Variants in OPCML observed in about 807,000 individuals in gnomAD.
OPCML encodes opioid-binding protein/cell adhesion molecule.
A neutral mutation model predicts 37.8 loss-of-function variants in OPCML; 13 were observed. The ratio of observed to expected loss-of-function variants is 0.34; its 90% confidence interval spans 0.22 to 0.55. OPCML has a LOEUF of 0.55. OPCML is among the 20% of genes least tolerant of loss of function. OPCML has a pLI of 0.91. For synonymous variants in OPCML, 176 were observed against 168.8 expected, an observed-to-expected ratio of 1.04 and a Z score of -0.33; for missense variants, 341 against 435.6, an observed-to-expected ratio of 0.78 and a Z score of 1.93.
intron 4 of OPCML, among the ~76,000 whole-genome samples, chr11:132,505,034 AG>A (rs1433503094): frequency 6.6e-6 from 1 of 152,170 alleles, no homozygotes; most frequent in Admixed American, 6.5e-5. Context: ...TCAGAGGACA[AG>A]AAAAAAAGTA....
intron 1 of OPCML, among the ~76,000 whole-genome samples, chr11:133,273,793 T>C (rs1941916615): frequency 5.3e-5 from 8 of 152,202 alleles, no homozygotes; most frequent in Middle Eastern, 3.4e-3. Context: ...GAGGGAATTG[T>C]CGCATTGCAA....
chr11:132,725,778 CAAAA>C (rs34622834), intron 2 of OPCML, among the ~76,000 whole-genome samples: 3 of 73,940 alleles, frequency 4.1e-5, no homozygotes, highest in Non-Finnish European at 3.0e-5. Context: ...GACTCCATCT[CAAAA>C]AAAAAAAAAA....
In OPCML at chr11:132,892,464, G is replaced by A. The variant is rs1044024923; in HGVS notation, c.146+50462C>T. 7.2e-5 allele frequency among the ~76,000 whole-genome samples: 11 copies of A among 152,130 alleles called. 1 individual carries two copies. The highest frequency in any genetic ancestry group is 1.3e-4 in the Non-Finnish European group (9 of 68,026). On this transcript the variant is annotated intron_variant, in intron 2 of 7. Coordinates refer to ENST00000524381, the MANE Select transcript of OPCML (RefSeq NM_001012393.5). ...ATTACAAAGAGAGAGGCCCTTTCTC[G>A]CTTTCAAAAGTAAAGTATTCTTGGC...
chr11:133,438,807 G>A (rs1250923141), intron 1 of OPCML, among the ~76,000 whole-genome samples: 1 of 152,148 alleles, frequency 6.6e-6, no homozygotes, highest in Non-Finnish European at 1.5e-5. Flanking sequence ...ATCCCCAACG[G>A]TCAACGATTT....
intron 1 of OPCML, among the ~76,000 whole-genome samples, chr11:133,100,581 A>G (rs1456800446): frequency 2.0e-5 from 3 of 152,244 alleles, no homozygotes; most frequent in African/African-American, 7.2e-5. Context: ...ACGAAGCTAC[A>G]GTAATCAAGA....
chr11:133,016,297 A>G (rs1947334602), intron 1 of OPCML, among the ~76,000 whole-genome samples: 1 of 152,168 alleles, frequency 6.6e-6, no homozygotes, highest in Non-Finnish European at 1.5e-5. Flanking sequence ...GATCTGCTTC[A>G]CACTTTCTTA....
At chr11:132,568,714 C>A (rs1464491545) in intron 3 of OPCML, among the ~76,000 whole-genome samples, 6 of 152,164 alleles carry the variant, frequency 3.9e-5, no homozygotes, top group African/African-American at 7.2e-5. Context: ...AGACTTCTAG[C>A]CTTGACAACT....
At chr11:132,899,842 G>A (rs1004795339) in intron 2 of OPCML, among the ~76,000 whole-genome samples, 2 of 152,008 alleles carry the variant, frequency 1.3e-5, no homozygotes, top group Non-Finnish European at 2.9e-5. Context: ...CTGGAGCTCG[G>A]ATACACTCTT....
intron 1 of OPCML, among the ~76,000 whole-genome samples, chr11:133,380,902 C>T (rs765815562): frequency 1.4e-4 from 21 of 152,164 alleles, no homozygotes; most frequent in Non-Finnish European, 2.4e-4. Flanking sequence ...TGCTAATTCA[C>T]ACCAAGACAA....
At chr11:133,336,100 A>G (rs964067163) in intron 1 of OPCML, among the ~76,000 whole-genome samples, 28 of 152,236 alleles carry the variant, frequency 1.8e-4, no homozygotes, top group African/African-American at 6.5e-4. Flanking sequence ...ACTTCAGAAC[A>G]AAGGTGAGGG....
At chr11:133,227,669 A>G (rs980427968) in intron 1 of OPCML, among the ~76,000 whole-genome samples, 1 of 152,252 alleles carries the variant, frequency 6.6e-6, no homozygotes, top group East Asian at 1.9e-4. Context: ...TCTCCCCCTC[A>G]GGCTGGATTC....
intron 1 of OPCML, among the ~76,000 whole-genome samples, chr11:133,154,637 T>C (rs538205320): frequency 1.3e-5 from 2 of 152,162 alleles, no homozygotes; most frequent in Admixed American, 1.3e-4. Flanking sequence ...GAACACCACT[T>C]ATTAGGAAAA....
chr11:132,889,550 G>T (rs918159911), intron 2 of OPCML, among the ~76,000 whole-genome samples: 1 of 152,178 alleles, frequency 6.6e-6, no homozygotes, highest in Non-Finnish European at 1.5e-5. Flanking sequence ...GATAATGAAG[G>T]CCAACTGGGC....
intron 2 of OPCML, among the ~76,000 whole-genome samples, chr11:132,719,377 T>C (rs1041848011): frequency 7.9e-5 from 12 of 152,200 alleles, no homozygotes; most frequent in African/African-American, 2.4e-4. Flanking sequence ...TCAGGATTCA[T>C]TGAGAGACTG....
At chr11:133,421,938 C>T (rs1280812071) in intron 1 of OPCML, 2 of 326,040 alleles carry the variant, frequency 6.1e-6, no homozygotes, top group Non-Finnish European at 8.8e-6. Context: ...GGTTTTTATG[C>T]AGCAACAGAT....
chr11:133,188,982 T>A (rs1460844590), intron 1 of OPCML, among the ~76,000 whole-genome samples: 2 of 152,162 alleles, frequency 1.3e-5, no homozygotes, highest in African/African-American at 2.4e-5. Context: ...GTACAAACTC[T>A]GTATATTCAG....
At chr11:132,424,478 G>A (rs2095971333) in intron 7 of OPCML, among the ~76,000 whole-genome samples, 1 of 152,076 alleles carries the variant, frequency 6.6e-6, no homozygotes, top group South Asian at 2.1e-4. Context: ...AATGCACCCG[G>A]ATAAAAGCCC....
intron 2 of OPCML, among the ~76,000 whole-genome samples, chr11:132,812,170 TCATGGC>T (rs1264140771): frequency 6.6e-6 from 1 of 152,068 alleles, no homozygotes; most frequent in Admixed American, 6.6e-5. Flanking sequence ...AGGAGCACAT[TCATGGC>T]CAGGCCCTTC....
intron 1 of OPCML, among the ~76,000 whole-genome samples, chr11:133,034,308 G>GGTGT (rs71038514): frequency 0.13 from 19,244 of 143,412 alleles, 1,349 homozygotes; most frequent in Non-Finnish European, 0.16. Context: ...TGTATGTATA[G>GGTGT]GTGTGTGTGT....
Sources: gnomAD v4.1 joint callset for allele counts (sites outside exome capture counted in the v4.1 genomes callset) on GRCh38, gnomAD v4.1.1 for gene constraint, MANE v1.5 for transcripts, NCBI Gene and HGNC (gene_info 2026-07-23, HGNC 2026-07-21) for gene names.